Variants in RICTOR observed in about 807,000 individuals in gnomAD.
The protein encoded by RICTOR is RPTOR independent companion of MTOR complex 2.
RICTOR carries 49 observed loss-of-function variants against 214.9 expected under a neutral mutation model. That is an observed-to-expected ratio of 0.23 (90% CI 0.18 to 0.29). The LOEUF (loss-of-function observed/expected upper bound fraction) is 0.29, where lower values mean the gene tolerates loss of function less well. RICTOR is among the 10% of genes least tolerant of loss of function. The pLI is 1.00. For missense variants in RICTOR, 1,625 were observed against 2,047.0 expected, an observed-to-expected ratio of 0.79 and a Z score of 3.98; for synonymous variants, 717 against 711.3, an observed-to-expected ratio of 1.01 and a Z score of -0.13.
At chr5:38,948,141 A>G (rs1039217625) in intron 31 of RICTOR, among the ~76,000 whole-genome samples, 12 of 152,144 alleles carry the variant, frequency 7.9e-5, no homozygotes, top group Admixed American at 7.2e-4. Context: ...ACATGCTAAA[A>G]TATTTACTTG....
At chr5:39,034,688 G>A (rs1021482043) in intron 2 of RICTOR, among the ~76,000 whole-genome samples, 2 of 152,210 alleles carry the variant, frequency 1.3e-5, no homozygotes, top group South Asian at 2.1e-4. Flanking sequence ...TGGCTCAGCG[G>A]GTCCTACGCC....
chr5:38,975,009 C>T (rs1751094932), intron 10 of RICTOR, among the ~76,000 whole-genome samples: 1 of 152,132 alleles, frequency 6.6e-6, no homozygotes, highest in African/African-American at 2.4e-5. Flanking sequence ...CTCAATTACT[C>T]TTAATGGCAA....
chr5:39,020,363 T>C (rs1755320783), intron 3 of RICTOR, among the ~76,000 whole-genome samples: 1 of 152,176 alleles, frequency 6.6e-6, no homozygotes, highest in Non-Finnish European at 1.5e-5. Context: ...ACTTCATTGC[T>C]GTCTTATTTA....
At chr5:38,964,588 A>AT in intron 16 of RICTOR, among the ~76,000 whole-genome samples, 1 of 152,018 alleles carries the variant, frequency 6.6e-6, no homozygotes, top group African/African-American at 2.4e-5. Context: ...GAAAAAAGTG[A>AT]TTTTATTACA....
At chr5:39,026,259 C>CT (rs1755815002) in intron 2 of RICTOR, among the ~76,000 whole-genome samples, 2 of 152,292 alleles carry the variant, frequency 1.3e-5, no homozygotes, top group African/African-American at 4.8e-5. Flanking sequence ...GGGAGGACTG[C>CT]TTGAGCCCAG....
intron 7 of RICTOR, among the ~76,000 whole-genome samples, chr5:38,983,478 G>GT (rs1364801670): frequency 1.3e-5 from 2 of 152,124 alleles, no homozygotes; most frequent in Admixed American, 6.6e-5. Flanking sequence ...CTGGCTAAAA[G>GT]TTTTAAAATA....
At chr5:39,036,267 G>A (rs1293339890) in intron 2 of RICTOR, among the ~76,000 whole-genome samples, 2 of 152,196 alleles carry the variant, frequency 1.3e-5, no homozygotes, top group Non-Finnish European at 2.9e-5. Flanking sequence ...AGCAAATGCT[G>A]AGAGATTTTG....
chr5:38,995,623 T>G (rs774571836), intron 6 of RICTOR, among the ~76,000 whole-genome samples: 3 of 152,138 alleles, frequency 2.0e-5, no homozygotes, highest in Non-Finnish European at 4.4e-5. Context: ...GTATTTAATG[T>G]GTTTATTATT....
At chr5:39,039,919 G>A (rs1757039869) in intron 2 of RICTOR, among the ~76,000 whole-genome samples, 1 of 151,848 alleles carries the variant, frequency 6.6e-6, no homozygotes, top group Non-Finnish European at 1.5e-5. Context: ...CGATTCCTCA[G>A]GGATCTAGAA....
intron 11 of RICTOR, among the ~76,000 whole-genome samples, chr5:38,968,763 TA>T (rs1750449199): frequency 6.7e-6 from 1 of 149,734 alleles, no homozygotes; most frequent in African/African-American, 2.4e-5. Flanking sequence ...AAGTTAACTG[TA>T]AAACAGCCTC....
rs1747633217 is a variant in RICTOR at position 38,942,093 on chromosome 5, A to G, written c.*211T>C. 2.5e-6 allele frequency: 1 copy of G among 395,122 alleles called. No individual in the cohort carries two copies. The highest frequency in any genetic ancestry group is 4.6e-6 in the Non-Finnish European group (1 of 217,636). The allele number at this position is 395,122 out of a possible 1,614,324, so 24.5% of individuals were successfully genotyped here. ...TTAAAACTGTGGTAATGAATCATGA[A>G]CCCCTCAAAAGGCTCAACAAAGGAG... On this transcript the variant is annotated 3_prime_UTR_variant, in exon 38 of 38. Coordinates refer to ENST00000357387, the MANE Select transcript of RICTOR (RefSeq NM_152756.5).
chr5:38,981,894 C>T lies in RICTOR; in HGVS notation c.726G>A (p.Gln242=), dbSNP rs986801631. 1 of 1,612,498 alleles carries T rather than the reference C, an allele frequency of 6.2e-7. No individual in the cohort carries two copies. Among genetic ancestry groups the T allele is most frequent in the Non-Finnish European group, 8.5e-7 (1 of 1,178,810 alleles). ...CTAATTCTACATCAGCTCGCACATA[C>T]TGTCGAGTCTTTGGATGATTAAGAA... is the stretch of plus-strand genomic sequence containing the variant. The part of the protein sequence containing the change: ...LHLLNHPKTR[Q]YVRADVELER... Residue 242 remains glutamine, a synonymous_variant, in exon 8 of 38, where the codon CAG becomes CAA. Coordinates refer to ENST00000357387, the MANE Select transcript of RICTOR (RefSeq NM_152756.5).
rs767644787 is a variant in RICTOR, at chr5:38,945,074, G to GA, written c.4634-7dup. On this transcript the variant is annotated splice_region_variant and splice_polypyrimidine_tract_variant and intron_variant, in intron 34 of 37. Coordinates refer to ENST00000357387, the MANE Select transcript of RICTOR (RefSeq NM_152756.5). ...ATATGGAATATCTTGAAAGTCTGAA[G>GA]AAAAAAATAATTATTTCAATTAAAG... 1.9e-6 allele frequency: 3 copies of GA among 1,575,358 alleles called. No individual in the cohort carries two copies. Among genetic ancestry groups the GA allele is most frequent in the African/African-American group, 2.7e-5 (2 of 73,264 alleles).
At chr5:38,975,424 C>A in intron 10 of RICTOR, 113 bp downstream of exon 10, 1 of 717,026 alleles carries the variant, frequency 1.4e-6, no homozygotes, top group Non-Finnish European at 2.4e-6. Flanking sequence ...TAATAATATA[C>A]AAAGTAAGAC....
intron 3 of RICTOR, among the ~76,000 whole-genome samples, chr5:39,004,613 C>T (rs1438057414): frequency 1.3e-5 from 2 of 151,906 alleles, no homozygotes; most frequent in African/African-American, 2.4e-5. Context: ...GTGCCTGCCA[C>T]CACGCCCAGC....
intron 6 of RICTOR, among the ~76,000 whole-genome samples, chr5:38,993,155 T>C (rs1234860909): frequency 6.6e-6 from 1 of 152,170 alleles, no homozygotes; most frequent in Non-Finnish European, 1.5e-5. Context: ...TTCAAACTCA[T>C]GGGCCAATGT....
chr5:39,013,469 T>C (rs1432794926), intron 3 of RICTOR, among the ~76,000 whole-genome samples: 1 of 152,170 alleles, frequency 6.6e-6, no homozygotes, highest in Non-Finnish European at 1.5e-5. Flanking sequence ...ACAACAGAAC[T>C]GTATATTATC....
At chr5:39,022,216 T>G in intron 2 of RICTOR, among the ~76,000 whole-genome samples, 1 of 152,178 alleles carries the variant, frequency 6.6e-6, no homozygotes, top group East Asian at 1.9e-4. Context: ...TAAATGCATT[T>G]TTGACTTAAG....
intron 2 of RICTOR, among the ~76,000 whole-genome samples, chr5:39,052,327 G>A (rs920953071): frequency 2.0e-5 from 3 of 152,166 alleles, no homozygotes; most frequent in Non-Finnish European, 4.4e-5. Context: ...AGTGAACTAT[G>A]ATCCTGCCAC....
Sources: allele counts gnomAD v4.1 joint callset (sites outside exome capture counted in the v4.1 genomes callset), GRCh38; gene constraint gnomAD v4.1.1; transcripts MANE v1.5; gene names NCBI Gene and HGNC (gene_info 2026-07-23, HGNC 2026-07-21).